Variants in TAT observed in about 807,000 individuals in gnomAD.
TAT encodes L-tyrosine:2-oxoglutarate aminotransferase.
TAT carries 35 observed loss-of-function variants against 53.6 expected under a neutral mutation model. That is an observed-to-expected ratio of 0.65 (90% CI 0.50 to 0.87). The LOEUF (loss-of-function observed/expected upper bound fraction) is 0.87. TAT is among the 40% of genes least tolerant of loss of function. The probability of loss-of-function intolerance (pLI) is 0.00; values close to 1 mark genes in which losing one functional copy is unlikely to be tolerated. For synonymous variants in TAT, 197 were observed against 206.5 expected, an observed-to-expected ratio of 0.95 and a Z score of 0.39; for missense variants, 525 against 571.8, an observed-to-expected ratio of 0.92 and a Z score of 0.83.
intron 10 of TAT, 61 bp from the exon 11 acceptor site, chr16:71,568,870 G>A: frequency 1.6e-6 from 2 of 1,271,014 alleles, no homozygotes; most frequent in South Asian, 1.2e-5. Context: ...CCAATTTCCT[G>A]TGCCAGAAAT....
intron 4 of TAT, 58 bp from the exon 5 acceptor site, chr16:71,572,746 G>T: frequency 6.2e-7 from 1 of 1,603,360 alleles, no homozygotes. Flanking sequence ...CAGGAGAAAA[G>T]AAGTTGTCAG....
Position 71,576,040 on chromosome 16 carries a change from G to C in TAT, c.236-14C>G. The C allele has an allele frequency of 5.6e-6, 9 of 1,613,708 alleles. No homozygotes were observed. Among genetic ancestry groups the C allele is most frequent in the Non-Finnish European group, 7.6e-6 (9 of 1,179,702 alleles). Reference sequence around the variant, plus strand: ...CAGTAGGGTCCCCTTTTTATGGGAGGAAAACACAAAAGGAGCCAAGAGGTT... The same window carrying C: ...CAGTAGGGTCCCCTTTTTATGGGAGCAAAACACAAAAGGAGCCAAGAGGTT... On this transcript the variant is annotated splice_polypyrimidine_tract_variant and intron_variant, in intron 2 of 11. Transcript: ENST00000355962.
chr16:71,567,474 A>C lies in TAT; in HGVS notation c.*670T>G, dbSNP rs538044497. On this transcript the variant is annotated 3_prime_UTR_variant, in exon 12 of 12. Transcript: ENST00000355962. ...ATTGAACTTCTCTAAAAAAAGAAAA[A>C]AAAGAAAGCCTGATGCACACAAATC... 6.6e-6 allele frequency: 1 copy of C among 152,240 alleles called. No homozygotes were observed. Among genetic ancestry groups the C allele is most frequent in the African/African-American group, 2.4e-5 (1 of 41,532 alleles). 9.4% of individuals were successfully genotyped at this position (152,240 alleles called of 1,614,324 possible). A position where few individuals can be genotyped will look rare whatever the true frequency, so the allele number is the denominator to read the frequency against.
chr16:71,576,403 T>G lies in TAT; in HGVS notation c.13A>C (p.Met5Leu). The stretch of plus-strand genomic sequence containing the variant: ...TTGCCTTTGCTGCTCATCTGAATCA[T>G]GTATGGGTCCATCACTAGCGAAGCC... MDPYMIQMSSKGNLP... is the reference protein window; with the variant it reads MDPYLIQMSSKGNLP... The change falls in exon 2 of 12, where the codon ATG (methionine) becomes CTG (leucine). Residue 5 changes from methionine (M) to leucine (L), a missense_variant. Coordinates refer to ENST00000355962, the MANE Select transcript of TAT (RefSeq NM_000353.3). The G allele has an allele frequency of 6.2e-7, 1 of 1,614,184 alleles. No homozygotes were observed. The highest frequency in any genetic ancestry group is 1.1e-5 in the South Asian group (1 of 91,080).
At chr16:71,572,460 A>T (rs1341301003) in intron 5 of TAT, 70 bp downstream of exon 5, 12 of 1,610,084 alleles carry the variant, frequency 7.5e-6, no homozygotes, top group Non-Finnish European at 1.0e-5. Flanking sequence ...TCCTCTGCTG[A>T]AGTAATGTTC....
chr16:71,576,030 T>C lies in TAT; in HGVS notation c.236-4A>G. The stretch of plus-strand genomic sequence containing the variant: ...TTTCCAAACACAGTAGGGTCCCCTT[T>C]TTATGGGAGGAAAACACAAAAGGAG... On this transcript the variant is annotated splice_polypyrimidine_tract_variant and splice_region_variant and intron_variant, in intron 2 of 11. Transcript: ENST00000355962. The C allele has an allele frequency of 6.2e-7, 1 of 1,614,088 alleles. No homozygotes were observed. Among genetic ancestry groups the C allele is most frequent in the Non-Finnish European group, 8.5e-7 (1 of 1,180,000 alleles).
chr16:71,575,939 C>T lies in TAT; in HGVS notation c.323G>A (p.Gly108Asp), dbSNP rs762791611. ...GAGCTTACCGATGGATGGGGCATAG[C>T]CATTATATTTGCCCGAGTCCAGGGC... ...KDALDSGKYN[G>D]YAPSIGFLSS... The change falls in exon 3 of 12, where the codon GGC becomes GAC. Residue 108 changes from glycine to aspartate, a missense_variant. By Grantham distance (94) the Gly-to-Asp change is moderately conservative. Coordinates refer to ENST00000355962, the MANE Select transcript of TAT (RefSeq NM_000353.3). The T allele has an allele frequency of 6.2e-7, 1 of 1,614,138 alleles. No homozygotes were observed. The highest frequency in any genetic ancestry group is 8.5e-7 in the Non-Finnish European group (1 of 1,180,016).
At chr16:71,570,096 C>T (rs986789701) in intron 9 of TAT, among the ~76,000 whole-genome samples, 159 bp from the exon 10 acceptor site, 1 of 152,178 alleles carries the variant, frequency 6.6e-6, no homozygotes, top group Non-Finnish European at 1.5e-5. Context: ...AGCTTTTCAC[C>T]AGGGGCAGAG....
rs1316564069 is a variant in TAT at position 71,576,235 on chromosome 16, C to T, written c.181G>A (p.Asp61Asn). 5.0e-6 allele frequency: 8 copies of T among 1,614,200 alleles called. No individual in the cohort carries two copies. The highest frequency in any genetic ancestry group is 6.8e-6 in the Non-Finnish European group (8 of 1,180,040). The change falls in exon 2 of 12, where the codon GAC (aspartate) becomes AAC (asparagine). Residue 61 changes from aspartate (D) to asparagine (N), a missense_variant. Transcript: ENST00000355962. ...GGATTTGGTTTCACCTTCATGTTGT[C>T]CACAATGGCTCGGATGGGGTTGAAA... The part of the protein sequence containing the change: ...KTFNPIRAIV[D>N]NMKVKPNPNK...
Position 71,574,522 on chromosome 16 carries a change from G to A in TAT, c.341-916C>T, listed in dbSNP as rs376996737. ...CTTGAACCCGGGAGGCGGAGGTTGC[G>A]GTGAGCCAAGATCATGCCACTGCAC... is the stretch of plus-strand genomic sequence containing the variant. On this transcript the variant is annotated intron_variant, in intron 3 of 11. Coordinates refer to ENST00000355962, the MANE Select transcript of TAT (RefSeq NM_000353.3). 1.2e-3 allele frequency among the ~76,000 whole-genome samples: 175 copies of A among 150,308 alleles called. 1 individual carries two copies. Among genetic ancestry groups the A allele is most frequent in the African/African-American group, 3.9e-3 (160 of 40,826 alleles).
At chr16:71,574,861 G>A (rs924243926) in intron 3 of TAT, among the ~76,000 whole-genome samples, 1 of 152,178 alleles carries the variant, frequency 6.6e-6, no homozygotes, top group Non-Finnish European at 1.5e-5. Context: ...AATAGGTATA[G>A]ATGGGTGTCT....
chr16:71,576,748 A>C (rs2044237615), intron 1 of TAT, among the ~76,000 whole-genome samples: 1 of 152,224 alleles, frequency 6.6e-6, no homozygotes, highest in Non-Finnish European at 1.5e-5. Flanking sequence ...TCATCAGTCA[A>C]AGCATAGGTT....
chr16:71,567,739 T>TAGA lies in TAT; in HGVS notation c.*404_*405insTCT. On this transcript the variant is annotated 3_prime_UTR_variant, in exon 12 of 12. Transcript: ENST00000355962. ...TTCAGACCTGCCTGGAGAGAGCGTG[T>TAGA]TCTTTCTTAGAGTCTGAGGAAATGG... The TAGA allele has an allele frequency of 3.4e-6, 1 of 292,126 alleles. No homozygotes were observed. The highest frequency in any genetic ancestry group is 6.6e-6 in the Non-Finnish European group (1 of 150,732). 18.1% of individuals were successfully genotyped at this position (292,126 alleles called of 1,614,324 possible).
Position 71,567,892 on chromosome 16 carries a change from G to T in TAT, c.*252C>A. 1.2e-5 allele frequency: 6 copies of T among 503,664 alleles called. No homozygotes were observed. The highest frequency in any genetic ancestry group is 4.7e-5 in the South Asian group (2 of 42,254). 31.2% of individuals were successfully genotyped at this position (503,664 alleles called of 1,614,324 possible). A position where few individuals can be genotyped will look rare whatever the true frequency, so the allele number is the denominator to read the frequency against. ...CAAGAAAAAAAGAAGGAAATCTTACGAGAGGGAGGCAGATTAATGAATTAG... is the reference window on the plus strand; with the variant it reads ...CAAGAAAAAAAGAAGGAAATCTTACTAGAGGGAGGCAGATTAATGAATTAG... On this transcript the variant is annotated 3_prime_UTR_variant, in exon 12 of 12. Coordinates refer to ENST00000355962, the MANE Select transcript of TAT (RefSeq NM_000353.3).
intron 4 of TAT, 38 bp downstream of exon 4, chr16:71,573,501 T>A (rs1402360981): frequency 6.5e-7 from 1 of 1,537,092 alleles, no homozygotes; most frequent in East Asian, 2.4e-5. Flanking sequence ...TAGTTTGCCC[T>A]AAATTGCTTC....
intron 3 of TAT, chr16:71,575,565 G>A (rs1006104428): frequency 2.7e-6 from 1 of 367,340 alleles, no homozygotes; most frequent in Non-Finnish European, 5.2e-6. Flanking sequence ...AGAGCAATAA[G>A]TAAATCCATT....
At position 71,570,512 on chromosome 16, in the gene TAT, A is replaced by C. The variant is rs1232212916; in HGVS notation, c.913-115T>G. The C allele has an allele frequency of 3.1e-6, 5 of 1,587,572 alleles. No individual in the cohort carries two copies. In the African/African-American group the frequency reaches 6.7e-5, roughly 21 times the overall value. On this transcript the variant is annotated intron_variant, in intron 8 of 11. Transcript: ENST00000355962. ...TTAATCTTGGAAAGTGATGGTGTCT[A>C]GTGGCATTCTTAGATCAGACCCTCT...
chr16:71,570,003 A>G (rs1031386372), intron 9 of TAT, 66 bp from the exon 10 acceptor site: 2 of 1,499,368 alleles, frequency 1.3e-6, no homozygotes, highest in Admixed American at 3.8e-5. Flanking sequence ...AAGTCATTAA[A>G]AATAGCCCCC....
At chr16:71,576,982 T>G (rs904971429) in intron 1 of TAT, 27 bp downstream of exon 1, 3 of 166,654 alleles carry the variant, frequency 1.8e-5, no homozygotes, top group African/African-American at 7.2e-5. Context: ...CACCACTGCC[T>G]GATCAGCTTG....
Sources: allele counts gnomAD v4.1 joint callset (sites outside exome capture counted in the v4.1 genomes callset), GRCh38; gene constraint gnomAD v4.1.1; transcripts MANE v1.5; gene names NCBI Gene and HGNC (gene_info 2026-07-23, HGNC 2026-07-21).